Variants in FAAP20 observed in about 807,000 individuals in gnomAD.
FAAP20 encodes the protein Fanconi anemia core complex-associated protein 20.
FAAP20 carries 12 observed loss-of-function variants against 16.2 expected under a neutral mutation model. The ratio of observed to expected loss-of-function variants is 0.74; its 90% confidence interval spans 0.48 to 1.20. The LOEUF (loss-of-function observed/expected upper bound fraction) is 1.20. Ranked by LOEUF, FAAP20 falls within the 50% of genes most tolerant of loss-of-function variation. The pLI is 0.00. For synonymous variants in FAAP20, 141 were observed against 110.7 expected, an observed-to-expected ratio of 1.27 and a Z score of -1.72; for missense variants, 288 against 245.8, an observed-to-expected ratio of 1.17 and a Z score of -1.15.
chr1:2,185,623 C>T, downstream of FAAP20: 3 of 654,650 alleles, frequency 4.6e-6, no homozygotes, highest in South Asian at 5.3e-5. Flanking sequence ...TGAAGTGACA[C>T]CTTAAGCAGA....
At chr1:2,194,299 GCAGA>G in intron 1 of FAAP20, 166 bp from the exon 2 acceptor site, 1 of 453,286 alleles carries the variant, frequency 2.2e-6, no homozygotes, top group East Asian at 9.4e-5. Flanking sequence ...GGCTGCTGGG[GCAGA>G]CAGTGCGGAG....
chr1:2,190,551 A>T, intron 3 of FAAP20: 1 of 389,506 alleles, frequency 2.6e-6, no homozygotes, highest in Non-Finnish European at 5.2e-6. Flanking sequence ...GGCCTGGCCA[A>T]GGTGTGGCCC....
Position 2,194,017 on chromosome 1 carries a change from A to G in FAAP20, c.179T>C (p.Leu60Pro). Reference protein sequence around the residue: ...ELILDHEVPSLPAFPGQEPRC... With the variant: ...ELILDHEVPSPPAFPGQEPRC... ...GCACACCTGTCCTGGGAAGGCGGGC[A>G]GTGAAGGCACCTCGTGATCCAGGAT... is the stretch of plus-strand genomic sequence containing the variant. The change falls in exon 2 of 4, where the codon CTG (leucine) becomes CCG (proline). Residue 60 changes from leucine to proline, a missense_variant. Transcript: ENST00000378546. 1 of 1,612,698 alleles carries G rather than the reference A, an allele frequency of 6.2e-7. No individual in the cohort carries two copies.
chr1:2,196,973 G>T (rs1688853137), upstream of FAAP20, among the ~76,000 whole-genome samples: 1 of 152,156 alleles, frequency 6.6e-6, no homozygotes, highest in African/African-American at 2.4e-5. This position sits in a 1 kb window ranked among gnomAD's most constrained non-coding sequence, Gnocchi z 4.5. Flanking sequence ...CCAACCCCAG[G>T]GTTCTGCTGT....
At chr1:2,185,314 C>A, downstream of FAAP20, 4 of 718,706 alleles carry the variant, frequency 5.6e-6, no homozygotes, top group East Asian at 2.7e-5. Context: ...TCCACGGAAA[C>A]AGAACTCGAT....
chr1:2,212,303 A>T (rs1273108965), exon 2 of FAAP20: 1 of 152,518 alleles, frequency 6.6e-6, no homozygotes, highest in Non-Finnish European at 1.5e-5. Flanking sequence ...CCGGAGCAGG[A>T]GGGTGGCTGT....
intron 1 of FAAP20, chr1:2,212,517 C>T (rs1331040326): frequency 1.9e-5 from 3 of 161,480 alleles, no homozygotes; most frequent in Non-Finnish European, 4.0e-5. Context: ...TGCAGCCCCC[C>T]CACCCCCACC....
Position 2,193,766 on chromosome 1 carries a change from C to T in FAAP20, c.343G>A (p.Ala115Thr). The change falls in exon 3 of 4, where the codon GCC becomes ACC. Residue 115 changes from alanine (A) to threonine (T), a missense_variant. By Grantham distance (58) the Ala-to-Thr change is moderately conservative. Transcript: ENST00000378546. ...HGAGGHLESP[A>T]RSLPQRPAPD... ...GCCGGGCGCTGGGGCAGGGACCTGG[C>T]GGGGGATTCCAGGTGCCCTCCTGCC... The T allele has an allele frequency of 6.3e-7, 1 of 1,594,172 alleles. No homozygotes were observed. Among genetic ancestry groups the T allele is most frequent in the Non-Finnish European group, 8.5e-7 (1 of 1,173,894 alleles).
chr1:2,193,644 G>A lies in FAAP20; in HGVS notation c.465C>T (p.Ala155=), dbSNP rs981154294. 1.9e-6 allele frequency: 3 copies of A among 1,595,856 alleles called. No individual in the cohort carries two copies. Among genetic ancestry groups the A allele is most frequent in the African/African-American group, 2.7e-5 (2 of 73,722 alleles). Residue 155 remains alanine (A), a synonymous_variant, in exon 3 of 4, where the codon GCC becomes GCT. Transcript: ENST00000378546. ...CGCAGGGGTGGCCTACTCACCTGGG[G>A]GCGAACTCCTTCTGGCACATGGGGC... ...RSCPMCQKEF[A]PRLTQLDVDS...
downstream of FAAP20, chr1:2,185,446 C>T (rs765925112): frequency 2.6e-5 from 19 of 718,574 alleles, no homozygotes; most frequent in Middle Eastern, 2.3e-4. Context: ...ACATCTCAGA[C>T]GCAACCCACA....
upstream of FAAP20, among the ~76,000 whole-genome samples, chr1:2,202,907 G>C (rs1169006219): frequency 2.0e-5 from 3 of 152,224 alleles, no homozygotes; most frequent in Non-Finnish European, 4.4e-5. Context: ...TTCTGGGTGA[G>C]CAATTTCCGA....
At chr1:2,184,701 G>A (rs1331091753), downstream of FAAP20, 1 of 1,611,764 alleles carries the variant, frequency 6.2e-7, no homozygotes, top group Non-Finnish European at 8.5e-7. Flanking sequence ...GACGATGAGT[G>A]AGTCCCACTG....
At chr1:2,212,667 A>C (rs566462315), upstream of FAAP20, 8 of 272,470 alleles carry the variant, frequency 2.9e-5, no homozygotes, top group South Asian at 2.3e-4. Context: ...AGCAAACCCA[A>C]AAGGGTGTAA....
downstream of FAAP20, among the ~76,000 whole-genome samples, chr1:2,210,609 C>T (rs1034945037): frequency 1.1e-4 from 16 of 152,192 alleles, no homozygotes; most frequent in Non-Finnish European, 1.5e-4. Flanking sequence ...TCCTGCCCTC[C>T]GGGGGCTGTG....
upstream of FAAP20, among the ~76,000 whole-genome samples, chr1:2,204,762 T>C (rs1324044693): frequency 6.6e-6 from 1 of 152,144 alleles, no homozygotes; most frequent in Admixed American, 6.5e-5. Flanking sequence ...AGCAGTGAGC[T>C]GCAGGCTCAG....
rs1572114299 is a variant in FAAP20, at chr1:2,193,649, A to C, written c.460T>G (p.Phe154Val). 3 of 1,596,984 alleles carry C rather than the reference A, an allele frequency of 1.9e-6. No individual in the cohort carries two copies. Among genetic ancestry groups the C allele is most frequent in the Non-Finnish European group, 2.6e-6 (3 of 1,175,830 alleles). The part of the protein sequence containing the change: ...LRSCPMCQKE[F>V]APRLTQLDVD... Reference sequence around the variant, plus strand: ...GGGTGGCCTACTCACCTGGGGGCGAACTCCTTCTGGCACATGGGGCAGCTG... The same window carrying C: ...GGGTGGCCTACTCACCTGGGGGCGACCTCCTTCTGGCACATGGGGCAGCTG... The change falls in exon 3 of 4, where the codon TTC becomes GTC. Residue 154 changes from phenylalanine to valine, a missense_variant. By Grantham distance (50) the Phe-to-Val change is conservative. Transcript: ENST00000378546.
chr1:2,194,630 C>T (rs1368654909), intron 1 of FAAP20, 58 bp downstream of exon 1: 3 of 939,210 alleles, frequency 3.2e-6, no homozygotes, highest in East Asian at 6.5e-5. Flanking sequence ...GCGGGGGCGC[C>T]GGGAAGCACG....
chr1:2,186,645 G>A (rs1033514766), downstream of FAAP20, among the ~76,000 whole-genome samples: 44 of 152,200 alleles, frequency 2.9e-4, no homozygotes, highest in African/African-American at 1.0e-3. Flanking sequence ...TCTCACACAG[G>A]TGTCCCAGAC....
At chr1:2,194,881 C>T, upstream of FAAP20, 1 of 821,478 alleles carries the variant, frequency 1.2e-6, no homozygotes, top group Non-Finnish European at 1.5e-6. Context: ...ACCCCAGGGG[C>T]CCTGATCCCA....
Sources: gnomAD v4.1 joint callset for allele counts (sites outside exome capture counted in the v4.1 genomes callset) on GRCh38, gnomAD v4.1.1 for gene constraint, Gnocchi (gnomAD v3.1) non-coding constraint, MANE v1.5 for transcripts, NCBI Gene and HGNC (gene_info 2026-07-23, HGNC 2026-07-21) for gene names.